Variants in POLR2E observed in about 807,000 individuals in gnomAD.
POLR2E encodes DNA-directed RNA polymerases I, II, and III subunit RPABC1.
A neutral mutation model predicts 29.8 loss-of-function variants in POLR2E; 35 were observed. The observed-to-expected ratio is 1.17, with a 90% CI of 0.90 to 1.55. POLR2E has a LOEUF of 1.55. Among genes scored for constraint, POLR2E ranks in the 40% most tolerant of loss-of-function variants. The pLI is 0.00. For synonymous variants in POLR2E, 174 were observed against 112.6 expected (o/e 1.55, Z -3.45); for missense variants, 287 against 288.6 (o/e 0.99, Z 0.04).
In POLR2E at chr19:1,089,547, A is replaced by G. The variant is rs748440861; in HGVS notation, c.572T>C (p.Val191Ala). ...RYFGIKRGQV[V>A]KIIRPSETAG... ...CGTCTCACTGGGCCGGATGATCTTC[A>G]CCACCTGCAGAGACAGAGAGCAGGG... Residue 191 changes from valine to alanine, a missense_variant, in exon 7 of 8, where the codon GTG becomes GCG. By Grantham distance (64) the Val-to-Ala change is moderately conservative. Transcript: ENST00000615234. 4 of 1,613,562 alleles carry G rather than the reference A, an allele frequency of 2.5e-6. No individual in the cohort carries two copies. Among genetic ancestry groups the G allele is most frequent in the Non-Finnish European group, 3.4e-6 (4 of 1,179,650 alleles).
At chr19:1,095,187 C>T in intron 1 of POLR2E, 72 bp downstream of exon 1, 6 of 1,471,528 alleles carry the variant, frequency 4.1e-6, no homozygotes, top group East Asian at 2.3e-5. Context: ...GAGGAGACGC[C>T]GTGCTCGACC....
At chr19:1,092,868 G>A (rs1435855378) in intron 2 of POLR2E, among the ~76,000 whole-genome samples, 1 of 134,156 alleles carries the variant, frequency 7.5e-6, no homozygotes, top group South Asian at 2.5e-4. Flanking sequence ...GGGTGACAGA[G>A]GGAGACTCAG....
chr19:1,094,445 T>G lies in POLR2E; in HGVS notation c.58-367A>C, dbSNP rs534272568. The stretch of plus-strand genomic sequence containing the variant: ...CCGTGATCCCAGTACTTAGGGAGGC[T>G]GAGGCAGGAGGGTTGCTGGAGGCCA... On this transcript the variant is annotated intron_variant, in intron 1 of 7. Coordinates refer to ENST00000615234, the MANE Select transcript of POLR2E (RefSeq NM_002695.5). The G allele has an allele frequency of 3.2e-3, 733 of 231,172 alleles. 2 individuals carry two copies. Among genetic ancestry groups the G allele is most frequent in the Non-Finnish European group, 4.7e-3 (558 of 119,640 alleles). The allele number at this position is 231,172 out of a possible 1,614,324, so 14.3% of individuals were successfully genotyped here. A position where few individuals can be genotyped will look rare whatever the true frequency, so the allele number is the denominator to read the frequency against.
Position 1,088,553 on chromosome 19 carries a change from C to G in POLR2E, c.*182G>C, listed in dbSNP as rs2043759926. 1 of 152,326 alleles carries G rather than the reference C, an allele frequency of 6.6e-6. No homozygotes were observed. The highest frequency in any genetic ancestry group is 2.4e-5 in the African/African-American group (1 of 41,456). The allele number at this position is 152,326 out of a possible 1,614,324, so 9.4% of individuals were successfully genotyped here. Reference sequence around the variant, plus strand: ...CAAATCCACAGGTGAATGGGGCGGGCTGGGCCACAGGAAGCCTCACCCCAG... The same window carrying G: ...CAAATCCACAGGTGAATGGGGCGGGGTGGGCCACAGGAAGCCTCACCCCAG... On this transcript the variant is annotated 3_prime_UTR_variant, in exon 8 of 8. Coordinates refer to ENST00000615234, the MANE Select transcript of POLR2E (RefSeq NM_002695.5).
At chr19:1,093,197 A>AC (rs1489474466) in intron 2 of POLR2E, among the ~76,000 whole-genome samples, 4 of 151,950 alleles carry the variant, frequency 2.6e-5, no homozygotes, top group Non-Finnish European at 2.9e-5. Context: ...AAAAACAAAA[A>AC]CAAAAAAAAA....
intron 3 of POLR2E, chr19:1,091,399 C>CA (rs2043826034): frequency 2.5e-5 from 9 of 364,634 alleles, no homozygotes; most frequent in Non-Finnish European, 4.1e-5. Flanking sequence ...GTCCGACAGA[C>CA]AGACGGGGAA....
At chr19:1,090,220 C>T (rs2043799460) in intron 4 of POLR2E, 75 bp from the exon 5 acceptor site, 1 of 1,271,048 alleles carries the variant, frequency 7.9e-7, no homozygotes, top group South Asian at 1.2e-5. Flanking sequence ...GCCACCACAG[C>T]CCCTGCGCCT....
chr19:1,087,651 G>C lies in POLR2E; in HGVS notation c.*1084C>G, dbSNP rs146322163. The C allele has an allele frequency of 6.6e-6, 1 of 152,194 alleles. No individual in the cohort carries two copies. The highest frequency in any genetic ancestry group is 2.4e-5 in the African/African-American group (1 of 41,408). 9.4% of individuals were successfully genotyped at this position (152,194 alleles called of 1,614,324 possible). A position where few individuals can be genotyped will look rare whatever the true frequency, so the allele number is the denominator to read the frequency against. ...GTGTTTGTCCCTTTGGGTCTGGCTT[G>C]CTTTGGCCAAGACAATTTTGAAAAA... On this transcript the variant is annotated 3_prime_UTR_variant, in exon 8 of 8. Transcript: ENST00000615234.
intron 2 of POLR2E, 81 bp downstream of exon 2, chr19:1,093,823 G>C: frequency 1.4e-6 from 2 of 1,466,798 alleles, no homozygotes; most frequent in Non-Finnish European, 1.8e-6. Context: ...CACCAGGCGA[G>C]TGGGGGTGGG....
rs759608143 is a variant in POLR2E at position 1,093,929 on chromosome 19, G to A, written c.207C>T (p.Thr69=). 4 of 1,609,886 alleles carry A rather than the reference G, an allele frequency of 2.5e-6. No individual in the cohort carries two copies. The highest frequency in any genetic ancestry group is 1.7e-5 in the Admixed American group (1 of 59,436). The change falls in exon 2 of 8, where the codon ACC becomes ACT. Residue 69 remains threonine, a synonymous_variant. Coordinates refer to ENST00000615234, the MANE Select transcript of POLR2E (RefSeq NM_002695.5). The part of the protein sequence containing the change: ...TVLVAHNDDP[T]DQMFVFFPEE... ...CTGGAAAGAACACAAACATCTGGTC[G>A]GTGGGGTCATCGTTGTGGGCCACCA...
At position 1,088,359 on chromosome 19, in the gene POLR2E, C is replaced by CG; in HGVS notation, c.*375dup. 1 of 152,358 alleles carries CG rather than the reference C, an allele frequency of 6.6e-6. No homozygotes were observed. The highest frequency in any genetic ancestry group is 3.4e-3 in the Middle Eastern group (1 of 294). 9.4% of individuals were successfully genotyped at this position (152,358 alleles called of 1,614,324 possible). A position where few individuals can be genotyped will look rare whatever the true frequency, so the allele number is the denominator to read the frequency against. On this transcript the variant is annotated 3_prime_UTR_variant, in exon 8 of 8. Transcript: ENST00000615234. ...ATCAGGGCCCCCGAGGGAGGGAAGACGAGGGGTGGAAGGCCGAGGGCCCAG... is the reference window on the plus strand; with the variant it reads ...ATCAGGGCCCCCGAGGGAGGGAAGACGGAGGGGTGGAAGGCCGAGGGCCCAG...
Position 1,095,321 on chromosome 19 carries a change from C to A in POLR2E, c.-6G>T. On this transcript the variant is annotated 5_prime_UTR_variant, in exon 1 of 8. Transcript: ENST00000615234. The stretch of plus-strand genomic sequence containing the variant: ...GTCTCCTCCTCGTCGTCCATGGCAG[C>A]CTCCGCCGCCGCCGCCGCTCGCACC... 2 of 1,612,030 alleles carry A rather than the reference C, an allele frequency of 1.2e-6. No individual in the cohort carries two copies. Among genetic ancestry groups the A allele is most frequent in the Non-Finnish European group, 1.7e-6 (2 of 1,179,502 alleles).
At chr19:1,093,371 G>T (rs567635841) in intron 2 of POLR2E, among the ~76,000 whole-genome samples, 1 of 152,172 alleles carries the variant, frequency 6.6e-6, no homozygotes, top group Non-Finnish European at 1.5e-5. Flanking sequence ...GGAGACTTCC[G>T]CAAAGCAGGT....
chr19:1,088,846 G>C (rs962766019), intron 7 of POLR2E, 126 bp from the exon 8 acceptor site: 8 of 152,784 alleles, frequency 5.2e-5, no homozygotes, highest in African/African-American at 1.7e-4. Flanking sequence ...GCAGTGCAGA[G>C]GCCGGACGGC....
intron 3 of POLR2E, chr19:1,091,513 C>A: frequency 2.1e-6 from 1 of 486,182 alleles, no homozygotes; most frequent in South Asian, 2.2e-5. Context: ...CTGCACCAGG[C>A]CGAGGGCTGG....
In POLR2E at chr19:1,091,910, G is replaced by T; in HGVS notation, c.233-3C>A. 6.2e-7 allele frequency: 1 copy of T among 1,600,860 alleles called. No individual in the cohort carries two copies. The highest frequency in any genetic ancestry group is 8.6e-7 in the Non-Finnish European group (1 of 1,169,338). On this transcript the variant is annotated splice_region_variant and splice_polypyrimidine_tract_variant and intron_variant, in intron 2 of 7. Transcript: ENST00000615234. ...CTTGATGCCCACCTTGGGCTCCTCTGCAGACAGAGAGTGTGCTGGCCTGCA... is the reference window on the plus strand; with the variant it reads ...CTTGATGCCCACCTTGGGCTCCTCTTCAGACAGAGAGTGTGCTGGCCTGCA...
chr19:1,090,706 C>T (rs1337472511), intron 4 of POLR2E, among the ~76,000 whole-genome samples: 1 of 151,924 alleles, frequency 6.6e-6, no homozygotes, highest in African/African-American at 2.4e-5. Context: ...GTGTGAGCCA[C>T]CGCGCCCGGC....
rs748336341 is a variant in POLR2E, at chr19:1,093,878, G to T, written c.232+26C>A. ...GGCAGGTGCTCTGGTGGCTTCACCG[G>T]AACTCCCCCGGGACCCGCTGCTCAC... is the stretch of plus-strand genomic sequence containing the variant. On this transcript the variant is annotated intron_variant, in intron 2 of 7. Transcript: ENST00000615234. 3 of 1,545,742 alleles carry T rather than the reference G, an allele frequency of 1.9e-6. No homozygotes were observed. In the African/African-American group the frequency reaches 4.1e-5, roughly 21 times the overall value.
chr19:1,090,036 G>A, intron 5 of POLR2E, 51 bp downstream of exon 5: 1 of 1,450,838 alleles, frequency 6.9e-7, no homozygotes, highest in Non-Finnish European at 9.6e-7. Flanking sequence ...GGGGAACGCG[G>A]AAGTCTCGAG....
Sources: gnomAD v4.1 joint callset for allele counts (sites outside exome capture counted in the v4.1 genomes callset) on GRCh38, gnomAD v4.1.1 for gene constraint, MANE v1.5 for transcripts, NCBI Gene and HGNC (gene_info 2026-07-23, HGNC 2026-07-21) for gene names.